TMPRSS6: variants seen among roughly 807,000 people sequenced by gnomAD.
TMPRSS6 encodes the protein transmembrane serine protease 6, also known as transmembrane protease serine 6.
A neutral mutation model predicts 101.5 loss-of-function variants in TMPRSS6; 67 were observed. The observed-to-expected ratio is 0.66, with a 90% confidence interval of 0.54 to 0.81. TMPRSS6 has a LOEUF of 0.81. TMPRSS6 is among the 30% of genes least tolerant of loss of function. The pLI is 0.00. For synonymous variants in TMPRSS6, 453 were observed against 464.9 expected (o/e 0.97, Z 0.33); for missense variants, 1,034 against 1,088.7 (o/e 0.95, Z 0.71).
At chr22:37,074,822 C>T in intron 11 of TMPRSS6, 114 bp from the exon 12 acceptor site, 1 of 1,110,174 alleles carries the variant, frequency 9.0e-7, no homozygotes, top group Non-Finnish European at 1.3e-6. Context: ...CATGGACAGG[C>T]ACCCACAGAC....
rs530031168 is a variant in TMPRSS6 at position 37,091,610 on chromosome 22, C to T, written c.632-1828G>A. Among the ~76,000 whole-genome samples the T allele has an allele frequency of 1.7e-4, 26 of 152,358 alleles. 1 individual carries two copies. The East Asian group carries it at 4.2e-3, about 25-fold the overall frequency. The stretch of plus-strand genomic sequence containing the variant: ...TGTCCAGGCTGCAGTGAGCCAGTCT[C>T]TGTCCCCAATCATTGTCTGATTAAG... On this transcript the variant is annotated intron_variant, in intron 6 of 17. Transcript: ENST00000676104.
At position 37,074,701 on chromosome 22, in the gene TMPRSS6, A is replaced by T. The variant is rs1293620712; in HGVS notation, c.1350T>A (p.Pro450=). The change falls in exon 12 of 18, where the codon CCT becomes CCA. Residue 450 remains proline, a synonymous_variant. Transcript: ENST00000676104. ...CATTCACAGAACAGAGGAACTCTCC[A>T]GGGCAGGCTGCAAAACCACAGGGGA... ...YGLYNQSDPC[P]GEFLCSVNGL... is the part of the protein sequence containing the mutation. 1 of 1,614,116 alleles carries T rather than the reference A, an allele frequency of 6.2e-7. No individual in the cohort carries two copies. The highest frequency in any genetic ancestry group is 1.1e-5 in the South Asian group (1 of 91,080).
intron 6 of TMPRSS6, among the ~76,000 whole-genome samples, chr22:37,090,848 C>T (rs554206481): frequency 6.6e-6 from 1 of 152,312 alleles, no homozygotes; most frequent in South Asian, 2.1e-4. Context: ...CCTGGTTCCT[C>T]AGGTGGGTGT....
chr22:37,103,424 A>G lies in TMPRSS6; in HGVS notation c.-1-6T>C, dbSNP rs1413611223. On this transcript the variant is annotated splice_region_variant and splice_polypyrimidine_tract_variant and intron_variant, in intron 1 of 17. Transcript: ENST00000676104. This position sits in a 1 kb window ranked among gnomAD's most constrained non-coding sequence, Gnocchi z 4.4. ...GGGCCTCGGCCACGGGCATCCTGCC[A>G]GGGAAACAGACCAAAGTTGGAAACA... The G allele has an allele frequency of 6.2e-7, 1 of 1,614,198 alleles. No individual in the cohort carries two copies. Among genetic ancestry groups the G allele is most frequent in the Admixed American group, 1.7e-5 (1 of 60,030 alleles).
chr22:37,078,226 AGCC>A (rs1399838246), intron 10 of TMPRSS6, among the ~76,000 whole-genome samples: 1 of 152,172 alleles, frequency 6.6e-6, no homozygotes, highest in Non-Finnish European at 1.5e-5. Flanking sequence ...AAGGAACCCA[AGCC>A]GGGGTTGGAG....
chr22:37,069,112 G>A lies in TMPRSS6; in HGVS notation c.2074C>T (p.His692Tyr), dbSNP rs200332661. 1,285 of 1,558,634 alleles carry A rather than the reference G, an allele frequency of 8.2e-4. 16 individuals carry two copies. The African/African-American group carries it at 0.016, about 19-fold the overall frequency. Residue 692 changes from histidine to tyrosine, a missense_variant, in exon 16 of 18, where the codon CAC (histidine) becomes TAC (tyrosine). His to Tyr is a moderately conservative substitution (Grantham distance 83). Transcript: ENST00000676104. The surrounding 1 kb of genome is among the most constrained non-coding windows in gnomAD (Gnocchi z 4.8). Reference protein sequence around the residue: ...ARSHFFEPGLHCWITGWGALR... With the variant: ...ARSHFFEPGLYCWITGWGALR... ...GCGCCCCAGCCCGTAATCCAGCAGT[G>A]CAGGCCGGGCTCGAAGAAGTGGGAG...
Position 37,103,069 on chromosome 22 carries a change from C to T in TMPRSS6, c.202+147G>A. 3.6e-6 allele frequency: 3 copies of T among 825,080 alleles called. No individual in the cohort carries two copies. The highest frequency in any genetic ancestry group is 2.7e-5 in the East Asian group (1 of 37,532). 51.1% of individuals were successfully genotyped at this position (825,080 alleles called of 1,614,324 possible). On this transcript the variant is annotated intron_variant, in intron 2 of 17. Transcript: ENST00000676104. This position sits in a 1 kb window ranked among gnomAD's most constrained non-coding sequence, Gnocchi z 4.4. ...CCAGCTGGAAGGACAGGGAGGGAGA[C>T]CCAGAGAACAGAAGTGACTTGCCCA... is the stretch of plus-strand genomic sequence containing the variant.
At chr22:37,108,908 A>G (rs1930884521) in intron 1 of TMPRSS6, among the ~76,000 whole-genome samples, 1 of 152,140 alleles carries the variant, frequency 6.6e-6, no homozygotes, top group African/African-American at 2.4e-5. Context: ...CCTTCCACAC[A>G]TATAAACACA....
chr22:37,068,134 GTC>G (rs1926511061), intron 16 of TMPRSS6, among the ~76,000 whole-genome samples: 1 of 152,022 alleles, frequency 6.6e-6, no homozygotes, highest in South Asian at 2.1e-4. Context: ...TCTTACCACT[GTC>G]TGTCTCCCCC....
intron 6 of TMPRSS6, among the ~76,000 whole-genome samples, chr22:37,090,696 C>G (rs1470224920): frequency 6.6e-6 from 1 of 152,214 alleles, no homozygotes; most frequent in Non-Finnish European, 1.5e-5. Flanking sequence ...ACCACCTAAT[C>G]TTTCCTGGGC....
intron 1 of TMPRSS6, among the ~76,000 whole-genome samples, chr22:37,108,364 C>G (rs1210809370): frequency 6.6e-6 from 1 of 152,230 alleles, no homozygotes; most frequent in African/African-American, 2.4e-5. Context: ...GGGGCGGCTG[C>G]CCCTCGCGAT....
chr22:37,072,918 G>C (rs114985147), intron 13 of TMPRSS6, among the ~76,000 whole-genome samples: 94 of 149,904 alleles, frequency 6.3e-4, no homozygotes, highest in African/African-American at 2.2e-3. Flanking sequence ...GATGGATGAT[G>C]TATGGATGGA....
intron 7 of TMPRSS6, among the ~76,000 whole-genome samples, chr22:37,089,014 C>T (rs1465979900): frequency 2.6e-5 from 4 of 152,248 alleles, no homozygotes; most frequent in South Asian, 4.1e-4. Flanking sequence ...ACATTTAATC[C>T]GTGAGCTCTG....
intron 5 of TMPRSS6, 90 bp from the exon 6 acceptor site, chr22:37,095,682 C>G (rs1308560171): frequency 1.4e-6 from 2 of 1,395,950 alleles, no homozygotes; most frequent in East Asian, 5.0e-5. Context: ...TAGAGGAGAC[C>G]CTTGGAGCCA....
chr22:37,082,246 G>T (rs1258274437), intron 10 of TMPRSS6, among the ~76,000 whole-genome samples: 1 of 152,122 alleles, frequency 6.6e-6, no homozygotes, highest in Non-Finnish European at 1.5e-5. Context: ...CAAGTTGTTG[G>T]GCCAATGCAC....
intron 10 of TMPRSS6, among the ~76,000 whole-genome samples, chr22:37,080,679 G>T (rs1928194091): frequency 6.6e-6 from 1 of 152,260 alleles, no homozygotes; most frequent in African/African-American, 2.4e-5. Flanking sequence ...CACACAGGAG[G>T]AGTCTGCGGG....
Position 37,078,805 on chromosome 22 carries a change from A to G in TMPRSS6, c.1197-3525T>C, listed in dbSNP as rs6000558. Reference sequence around the variant, plus strand: ...AGGAGAAGAAGAAGGAGGAGGAGGAAGAGGAGAAGGAGAAGAAGAAGAAAG... The same window carrying G: ...AGGAGAAGAAGAAGGAGGAGGAGGAGGAGGAGAAGGAGAAGAAGAAGAAAG... On this transcript the variant is annotated intron_variant, in intron 10 of 17. Coordinates refer to ENST00000676104, the MANE Select transcript of TMPRSS6 (RefSeq NM_001374504.1). Among the ~76,000 whole-genome samples, 184 of 148,104 alleles carry G rather than the reference A, an allele frequency of 1.2e-3. 1 individual carries two copies. The highest frequency in any genetic ancestry group is 4.3e-3 in the African/African-American group (173 of 39,914).
In TMPRSS6 at chr22:37,084,267, A is replaced by C. The variant is rs1285722170; in HGVS notation, c.1196+28T>G. The C allele has an allele frequency of 6.9e-6, 11 of 1,586,572 alleles. No individual in the cohort carries two copies. The East Asian group carries it at 2.5e-4, about 36-fold the overall frequency. ...GAGAGGGAGGGGGAGGGAGGAAAGGAAGCCAGAGGGAGGAGAGGAAGTGGT... is the reference window on the plus strand; with the variant it reads ...GAGAGGGAGGGGGAGGGAGGAAAGGCAGCCAGAGGGAGGAGAGGAAGTGGT... On this transcript the variant is annotated intron_variant, in intron 10 of 17. Transcript: ENST00000676104.
At chr22:37,067,044 CA>C (rs1316523271) in intron 16 of TMPRSS6, 82 bp from the exon 17 acceptor site, 1 of 1,595,766 alleles carries the variant, frequency 6.3e-7, no homozygotes, top group African/African-American at 1.3e-5. Context: ...ATTCCCTTTG[CA>C]TCTCAGGAGC....
Sources: gnomAD v4.1 joint callset for allele counts (sites outside exome capture counted in the v4.1 genomes callset) on GRCh38, gnomAD v4.1.1 for gene constraint, Gnocchi (gnomAD v3.1) non-coding constraint, MANE v1.5 for transcripts, NCBI Gene and HGNC (gene_info 2026-07-23, HGNC 2026-07-21) for gene names.